The following SCN8A variants were observed in gnomAD, a reference collection of about 807,000 sequenced individuals.
SCN8A encodes sodium voltage-gated channel alpha subunit 8, also known as sodium channel protein type 8 subunit alpha.
A neutral mutation model predicts 184.1 loss-of-function variants in SCN8A; 30 were observed. The ratio of observed to expected loss-of-function variants is 0.16; its 90% CI spans 0.12 to 0.22. The LOEUF (loss-of-function observed/expected upper bound fraction) is 0.22. SCN8A is among the 10% of genes least tolerant of loss of function. The probability of loss-of-function intolerance (pLI) is 1.00; values close to 1 mark genes in which losing one functional copy is unlikely to be tolerated. For synonymous variants in SCN8A, 852 were observed against 907.0 expected (o/e 0.94, Z 1.09); for missense variants, 1,057 against 2,498.9 (o/e 0.42, Z 12.30).
At chr12:51,746,743 C>G (rs1027658096) in intron 13 of SCN8A, among the ~76,000 whole-genome samples, 1 of 152,170 alleles carries the variant, frequency 6.6e-6, no homozygotes, top group Non-Finnish European at 1.5e-5. Flanking sequence ...TGAAGATTTT[C>G]CATTAGGCCA....
intron 1 of SCN8A, among the ~76,000 whole-genome samples, chr12:51,623,393 G>C (rs139382422): frequency 1.2e-4 from 19 of 152,144 alleles, no homozygotes; most frequent in African/African-American, 4.6e-4. Flanking sequence ...TTTCCCCCTT[G>C]CAGATCTGCA....
At chr12:51,673,934 C>G (rs1166434810) in intron 2 of SCN8A, among the ~76,000 whole-genome samples, 1 of 151,952 alleles carries the variant, frequency 6.6e-6, no homozygotes, top group Non-Finnish European at 1.5e-5. Flanking sequence ...TGACCTGGAC[C>G]TTTAAATATT....
chr12:51,783,504 A>G (rs569307011), intron 21 of SCN8A, among the ~76,000 whole-genome samples: 196 of 152,338 alleles, frequency 1.3e-3, no homozygotes, highest in South Asian at 3.1e-3. Context: ...GTCCTGGGGC[A>G]CTGACTTCAG....
At chr12:51,736,926 A>C (rs1348901934) in intron 12 of SCN8A, among the ~76,000 whole-genome samples, 1 of 152,260 alleles carries the variant, frequency 6.6e-6, no homozygotes, top group Non-Finnish European at 1.5e-5. Context: ...CAAAATAAGA[A>C]GCTTTACCAT....
chr12:51,781,947 A>G (rs1937936787), intron 21 of SCN8A, among the ~76,000 whole-genome samples: 6 of 152,258 alleles, frequency 3.9e-5, no homozygotes, highest in Admixed American at 3.9e-4. Flanking sequence ...TGCTACGTTC[A>G]TTCCTCATCT....
Position 51,616,918 on chromosome 12 carries a change from C to CA in SCN8A, c.-55+25574dup, listed in dbSNP as rs200949853. On this transcript the variant is annotated intron_variant, in intron 1 of 26. Transcript: ENST00000627620. ...TGAGTGACAGAGTGAGACCCTGTCT[C>CA]AAAAAAAAAAAAAAAGTTTTACTGT... Among the ~76,000 whole-genome samples, 433 of 107,282 alleles carry CA rather than the reference C, an allele frequency of 4.0e-3. 2 individuals carry two copies. The highest frequency in any genetic ancestry group is 0.023 in the East Asian group (89 of 3,868). 70.4% of individuals were successfully genotyped at this position (107,282 alleles called of 152,430 possible). A position where few individuals can be genotyped will look rare whatever the true frequency, so the allele number is the denominator to read the frequency against.
chr12:51,615,894 A>AG (rs958855734), intron 1 of SCN8A, among the ~76,000 whole-genome samples: 82 of 151,834 alleles, frequency 5.4e-4, no homozygotes, highest in African/African-American at 1.7e-3. Flanking sequence ...GCTAATTTAA[A>AG]GAAAAAATTT....
chr12:51,804,479 C>T (rs536920129), intron 26 of SCN8A, among the ~76,000 whole-genome samples: 10 of 145,598 alleles, frequency 6.9e-5, no homozygotes, highest in Admixed American at 4.2e-4. Context: ...CCACCGCGCC[C>T]AGCTAATTTT....
chr12:51,729,147 A>G (rs747073053), intron 12 of SCN8A, among the ~76,000 whole-genome samples: 2 of 152,196 alleles, frequency 1.3e-5, no homozygotes, highest in South Asian at 2.1e-4. Context: ...TTTGCATTCC[A>G]TATTTCTTCT....
chr12:51,698,832 C>T (rs981242308), intron 6 of SCN8A, among the ~76,000 whole-genome samples: 1 of 152,210 alleles, frequency 6.6e-6, no homozygotes, highest in Non-Finnish European at 1.5e-5. Flanking sequence ...AATACCTTGG[C>T]ATTTCCAGAA....
chr12:51,743,807 G>T (rs996243077), intron 12 of SCN8A, among the ~76,000 whole-genome samples: 1 of 152,164 alleles, frequency 6.6e-6, no homozygotes, highest in Non-Finnish European at 1.5e-5. Flanking sequence ...ATGTTGTCCG[G>T]AAGCCAGGGA....
chr12:51,655,216 T>G (rs1399936873), intron 1 of SCN8A, among the ~76,000 whole-genome samples: 1 of 152,086 alleles, frequency 6.6e-6, no homozygotes, highest in Non-Finnish European at 1.5e-5. Flanking sequence ...GGCCCTGGAG[T>G]GTTTGCTTTA....
intron 14 of SCN8A, among the ~76,000 whole-genome samples, chr12:51,761,678 G>A (rs573833488): frequency 2.0e-5 from 3 of 151,878 alleles, no homozygotes; most frequent in African/African-American, 7.2e-5. Context: ...TTGTAGAGAT[G>A]GGTTTTCACC....
At chr12:51,689,625 C>T (rs1592381252) in intron 6 of SCN8A, 1 of 154,394 alleles carries the variant, frequency 6.5e-6, no homozygotes, top group East Asian at 1.9e-4. Flanking sequence ...AGTTAGTGAA[C>T]TGCACTTAAA....
At chr12:51,740,760 T>C (rs1239020665) in intron 12 of SCN8A, among the ~76,000 whole-genome samples, 1 of 152,158 alleles carries the variant, frequency 6.6e-6, no homozygotes, top group Non-Finnish European at 1.5e-5. Context: ...AAGTGGGGTG[T>C]TGAAGTCTCT....
intron 20 of SCN8A, 64 bp from the exon 21 acceptor site, chr12:51,780,585 T>TGTTTCC: frequency 3.2e-6 from 1 of 315,614 alleles, no homozygotes; most frequent in South Asian, 3.9e-5. Flanking sequence ...TTTTTTTTTT[T>TGTTTCC]TTTTTTTTTT....
rs1370302435 is a variant in SCN8A, at chr12:51,766,011, T to C, written c.2885T>C (p.Val962Ala). 6.2e-7 allele frequency: 1 copy of C among 1,614,026 alleles called. No homozygotes were observed. Among genetic ancestry groups the C allele is most frequent in the Non-Finnish European group, 8.5e-7 (1 of 1,179,900 alleles). ...CTCATTGTCTTTATGATGGTCATGG[T>C]GATTGGCAACTTGGTGGTTAGTACT... ...MCLIVFMMVM[V>A]IGNLVVLNLF... Residue 962 changes from valine (V) to alanine (A), a missense_variant, in exon 16 of 27, where the codon GTG (valine) becomes GCG (alanine). Coordinates refer to ENST00000627620, the MANE Select transcript of SCN8A (RefSeq NM_001330260.2).
At chr12:51,744,202 C>G (rs1942471829) in intron 12 of SCN8A, among the ~76,000 whole-genome samples, 1 of 152,122 alleles carries the variant, frequency 6.6e-6, no homozygotes, top group South Asian at 2.1e-4. Context: ...ATTCAGGAGG[C>G]TGAGGTGGGA....
chr12:51,621,337 T>C (rs1178359321), intron 1 of SCN8A, among the ~76,000 whole-genome samples: 1 of 152,228 alleles, frequency 6.6e-6, no homozygotes, highest in African/African-American at 2.4e-5. Context: ...CTGAATTTGA[T>C]TTAGAGATCA....
Sources: allele counts gnomAD v4.1 joint callset (sites outside exome capture counted in the v4.1 genomes callset), GRCh38; gene constraint gnomAD v4.1.1; transcripts MANE v1.5; gene names NCBI Gene and HGNC (gene_info 2026-07-23, HGNC 2026-07-21).